The following PEBP4 variants were observed in gnomAD, a reference collection of about 807,000 sequenced individuals.
PEBP4 encodes phosphatidylethanolamine binding protein 4, also known as phosphatidylethanolamine-binding protein 4.
A neutral mutation model predicts 23.9 loss-of-function variants in PEBP4; 22 were observed. That is an observed-to-expected ratio of 0.92 (90% confidence interval 0.66 to 1.31). PEBP4 has a LOEUF of 1.31. PEBP4 is among the 40% of genes most tolerant of loss of function. PEBP4 has a pLI of 0.00. For synonymous variants in PEBP4, 112 were observed against 99.3 expected, an observed-to-expected ratio of 1.13 and a Z score of -0.76; for missense variants, 324 against 281.7, an observed-to-expected ratio of 1.15 and a Z score of -1.07.
chr8:22,746,991 A>C (rs1252358561), intron 4 of PEBP4, among the ~76,000 whole-genome samples: 1 of 151,220 alleles, frequency 6.6e-6, no homozygotes, highest in Non-Finnish European at 1.5e-5. Context: ...ACACCCAGCT[A>C]ATTTTTATAA....
intron 4 of PEBP4, among the ~76,000 whole-genome samples, chr8:22,755,537 T>C (rs1445375505): frequency 3.9e-5 from 6 of 152,034 alleles, no homozygotes; most frequent in South Asian, 4.1e-4. Context: ...GGTTCTACCA[T>C]GTTGGCCAGT....
At chr8:22,724,154 G>T (rs895046599) in intron 6 of PEBP4, among the ~76,000 whole-genome samples, 1 of 152,212 alleles carries the variant, frequency 6.6e-6, no homozygotes, top group East Asian at 1.9e-4. Context: ...GATGGCGGGT[G>T]GGGGAGTCGG....
intron 5 of PEBP4, among the ~76,000 whole-genome samples, chr8:22,726,717 G>C (rs1176588414): frequency 6.6e-6 from 1 of 152,234 alleles, no homozygotes; most frequent in African/African-American, 2.4e-5. Context: ...AGGCCTGCTT[G>C]GTGCCCAAGC....
chr8:22,809,481 G>A lies in PEBP4; in HGVS notation c.357+8156C>T, dbSNP rs889029196. ...TCACCTGGGCTGGGCCTAGGTGGTG[G>A]GTGTGGAACCCGTTTAGACTCTGGA... On this transcript the variant is annotated intron_variant, in intron 4 of 6. Transcript: ENST00000256404. Among the ~76,000 whole-genome samples the A allele has an allele frequency of 3.9e-5, 6 of 152,200 alleles. No homozygotes were observed. In the South Asian group the frequency reaches 1.2e-3, roughly 32 times the overall value.
intron 4 of PEBP4, among the ~76,000 whole-genome samples, chr8:22,760,931 G>A (rs1008916950): frequency 6.6e-6 from 1 of 152,202 alleles, no homozygotes; most frequent in African/African-American, 2.4e-5. Context: ...GGGTGTTCAA[G>A]GAGGTTTCGC....
At chr8:22,843,445 G>A (rs539400648) in intron 3 of PEBP4, among the ~76,000 whole-genome samples, 32 of 152,356 alleles carry the variant, frequency 2.1e-4, no homozygotes, top group Non-Finnish European at 4.6e-4. Context: ...AGTTTCCTAG[G>A]AAATGGGTTG....
At chr8:22,741,326 C>T (rs980667438) in intron 4 of PEBP4, among the ~76,000 whole-genome samples, 1 of 152,186 alleles carries the variant, frequency 6.6e-6, no homozygotes, top group Non-Finnish European at 1.5e-5. Context: ...TTTGTCTGAG[C>T]CAACGGAAGA....
At chr8:22,812,601 C>A (rs1000935023) in intron 4 of PEBP4, among the ~76,000 whole-genome samples, 3 of 152,192 alleles carry the variant, frequency 2.0e-5, no homozygotes, top group African/African-American at 4.8e-5. Context: ...GCACAAATAT[C>A]AGTGGCAAAA....
intron 3 of PEBP4, among the ~76,000 whole-genome samples, chr8:22,876,824 T>C (rs1237209194): frequency 6.6e-6 from 1 of 152,170 alleles, no homozygotes; most frequent in Non-Finnish European, 1.5e-5. Context: ...AGCCAGAAAA[T>C]GTAAACACAT....
chr8:22,790,618 G>A (rs1431411906), intron 4 of PEBP4, among the ~76,000 whole-genome samples: 2 of 152,120 alleles, frequency 1.3e-5, no homozygotes, highest in African/African-American at 2.4e-5. Context: ...ATAAAAGCTG[G>A]GCTGGGGCCT....
chr8:22,753,813 G>A (rs1805318385), intron 4 of PEBP4, among the ~76,000 whole-genome samples: 4 of 152,220 alleles, frequency 2.6e-5, no homozygotes, highest in Admixed American at 2.6e-4. Context: ...GGAGGTGTGA[G>A]GGGCTGGAGC....
intron 6 of PEBP4, among the ~76,000 whole-genome samples, chr8:22,721,010 G>A (rs753190220): frequency 1.8e-4 from 28 of 152,176 alleles, no homozygotes; most frequent in Admixed American, 3.3e-4. Context: ...TGCAAAGGTA[G>A]GAGGAGTGGG....
At chr8:22,898,416 A>C (rs59060662) in intron 3 of PEBP4, among the ~76,000 whole-genome samples, 20,891 of 133,888 alleles carry the variant, frequency 0.16, 3,207 homozygotes, top group African/African-American at 0.35. Flanking sequence ...AAAAAAAAAA[A>C]AAAAAAAAAA....
intron 1 of PEBP4, among the ~76,000 whole-genome samples, chr8:22,936,799 A>G (rs1358632259): frequency 6.6e-6 from 1 of 152,240 alleles, no homozygotes; most frequent in Non-Finnish European, 1.5e-5. Context: ...ATGATTCAAC[A>G]TATAAAAACC....
At chr8:22,849,987 G>A (rs1249587085) in intron 3 of PEBP4, among the ~76,000 whole-genome samples, 1 of 152,010 alleles carries the variant, frequency 6.6e-6, no homozygotes, top group Non-Finnish European at 1.5e-5. Flanking sequence ...ATTAGGGTGG[G>A]GGCAGTGGGC....
At chr8:22,732,011 A>G (rs1407830614) in intron 4 of PEBP4, among the ~76,000 whole-genome samples, 4 of 152,058 alleles carry the variant, frequency 2.6e-5, no homozygotes, top group Admixed American at 2.6e-4. Context: ...AACAGTAATT[A>G]TAGAAATTAC....
At chr8:22,719,360 G>A (rs1218933933) in intron 6 of PEBP4, among the ~76,000 whole-genome samples, 1 of 152,196 alleles carries the variant, frequency 6.6e-6, no homozygotes, top group African/African-American at 2.4e-5. Flanking sequence ...TCCCCTGCTC[G>A]CTTGCAAGAG....
intron 3 of PEBP4, among the ~76,000 whole-genome samples, chr8:22,877,334 T>C (rs1808142126): frequency 1.3e-5 from 2 of 152,178 alleles, no homozygotes; most frequent in African/African-American, 2.4e-5. Context: ...GTCAGGTCCA[T>C]GTTTTGATTC....
intron 3 of PEBP4, among the ~76,000 whole-genome samples, chr8:22,826,051 G>A (rs1332517645): frequency 6.6e-6 from 1 of 152,140 alleles, no homozygotes; most frequent in East Asian, 1.9e-4. Flanking sequence ...GGGACATGGG[G>A]AGTTGCTCAT....
Sources: gnomAD v4.1 joint callset for allele counts (sites outside exome capture counted in the v4.1 genomes callset) on GRCh38, gnomAD v4.1.1 for gene constraint, MANE v1.5 for transcripts, NCBI Gene and HGNC (gene_info 2026-07-23, HGNC 2026-07-21) for gene names.